The following RPS6KC1 variants were observed in gnomAD, a reference collection of about 807,000 sequenced individuals.
The protein encoded by RPS6KC1 is inactive ribosomal protein S6 kinase delta-1.
RPS6KC1 carries 54 observed loss-of-function variants against 103.8 expected under a neutral mutation model. That is an observed-to-expected ratio of 0.52 (90% CI 0.42 to 0.65). The LOEUF (loss-of-function observed/expected upper bound fraction) is 0.65. Among genes scored for constraint, RPS6KC1 ranks in the 30% least tolerant of loss-of-function variants. RPS6KC1 has a pLI of 0.00. For synonymous variants in RPS6KC1, 439 were observed against 438.7 expected (o/e 1.00, Z -0.01); for missense variants, 1,151 against 1,253.8 (o/e 0.92, Z 1.24).
intron 8 of RPS6KC1, among the ~76,000 whole-genome samples, chr1:213,203,157 C>G (rs2093227190): frequency 6.6e-6 from 1 of 152,114 alleles, no homozygotes; most frequent in African/African-American, 2.4e-5. Context: ...AGAGGTGTTT[C>G]AGATTTTGAA....
the RPS6KC1 span, among the ~76,000 whole-genome samples, chr1:213,830,701 C>G: frequency 4.0e-5 from 6 of 148,272 alleles, no homozygotes; most frequent in East Asian, 1.2e-3. Flanking sequence ...ACTCTCAAAA[C>G]GATATTGAAT....
At chr1:213,130,085 C>T (rs2085434369) in intron 6 of RPS6KC1, among the ~76,000 whole-genome samples, 196 bp downstream of exon 6, 1 of 151,902 alleles carries the variant, frequency 6.6e-6, no homozygotes, top group Non-Finnish European at 1.5e-5. Context: ...GGTACTTAAC[C>T]CTCTACTTTT....
chr1:213,607,177 C>T, the RPS6KC1 span, among the ~76,000 whole-genome samples: 11 of 152,222 alleles, frequency 7.2e-5, no homozygotes, highest in African/African-American at 2.4e-4. Flanking sequence ...AAAACTAACT[C>T]GGAAGAAACA....
chr1:213,065,575 G>A (rs1416874725), intron 1 of RPS6KC1, among the ~76,000 whole-genome samples: 1 of 152,170 alleles, frequency 6.6e-6, no homozygotes, highest in African/African-American at 2.4e-5. Flanking sequence ...TTTCCGTTTT[G>A]GGGGACACAT....
At chr1:213,319,908 G>T in the RPS6KC1 span, among the ~76,000 whole-genome samples, 1 of 152,138 alleles carries the variant, frequency 6.6e-6, no homozygotes, top group African/African-American at 2.4e-5. Context: ...GAATTAATTT[G>T]GGGGCAGTGT....
intron 8 of RPS6KC1, among the ~76,000 whole-genome samples, chr1:213,198,793 C>A (rs2093047156): frequency 6.6e-6 from 1 of 152,008 alleles, no homozygotes; most frequent in South Asian, 2.1e-4. Context: ...TATCTGCAAT[C>A]TCTTCTAGAA....
the RPS6KC1 span, among the ~76,000 whole-genome samples, chr1:213,296,973 C>G: frequency 6.6e-6 from 1 of 152,178 alleles, no homozygotes; most frequent in African/African-American, 2.4e-5. Flanking sequence ...AAGTTGTTTT[C>G]TTTACAAAAG....
the RPS6KC1 span, among the ~76,000 whole-genome samples, chr1:213,601,988 CTTTCTTTCTTTTCTTTTCTTTTCTTT>C: frequency 1.2e-4 from 2 of 16,256 alleles, no homozygotes; most frequent in African/African-American, 2.8e-4. Flanking sequence ...TCCTCTCTCT[CTTTCTTTCTTTTCTTTTCTTTTCTTT>C]TCTTTCTTTC....
At chr1:213,758,319 T>C in the RPS6KC1 span, among the ~76,000 whole-genome samples, 2 of 152,190 alleles carry the variant, frequency 1.3e-5, no homozygotes, top group Non-Finnish European at 2.9e-5. Context: ...GGCTCACACC[T>C]GTAATCCCAG....
At chr1:213,182,609 G>A (rs2092323270) in intron 8 of RPS6KC1, among the ~76,000 whole-genome samples, 2 of 151,618 alleles carry the variant, frequency 1.3e-5, no homozygotes, top group South Asian at 4.2e-4. Context: ...AATATAACAT[G>A]CAAACTTAAG....
chr1:213,370,454 A>T, the RPS6KC1 span, among the ~76,000 whole-genome samples: 2 of 152,050 alleles, frequency 1.3e-5, no homozygotes, highest in African/African-American at 2.4e-5. Context: ...AGGCTTGTGC[A>T]CTTCGGGATG....
chr1:213,366,817 A>G, the RPS6KC1 span, among the ~76,000 whole-genome samples: 49 of 152,286 alleles, frequency 3.2e-4, no homozygotes, highest in Middle Eastern at 3.4e-3. Flanking sequence ...ATCTATCTTC[A>G]TACGGTTTTG....
the RPS6KC1 span, among the ~76,000 whole-genome samples, chr1:213,421,132 C>G: frequency 6.6e-6 from 1 of 152,072 alleles, no homozygotes; most frequent in Non-Finnish European, 1.5e-5. Flanking sequence ...TTTGTTTGTT[C>G]ATTTTTTTGA....
At chr1:213,599,679 T>C in the RPS6KC1 span, among the ~76,000 whole-genome samples, 1 of 152,184 alleles carries the variant, frequency 6.6e-6, no homozygotes, top group African/African-American at 2.4e-5. Context: ...CATTATTACT[T>C]TTTTGCCCTC....
chr1:213,567,951 G>A, the RPS6KC1 span, among the ~76,000 whole-genome samples: 1 of 152,182 alleles, frequency 6.6e-6, no homozygotes, highest in Non-Finnish European at 1.5e-5. Context: ...TCTTTGAGGA[G>A]CCTTTTGGAT....
chr1:213,373,973 G>A, the RPS6KC1 span, among the ~76,000 whole-genome samples: 1 of 152,146 alleles, frequency 6.6e-6, no homozygotes, highest in African/African-American at 2.4e-5. Context: ...TTGTTTCATA[G>A]AGAGGTAATC....
chr1:213,809,799 A>G, the RPS6KC1 span, among the ~76,000 whole-genome samples: 1 of 152,248 alleles, frequency 6.6e-6, no homozygotes, highest in East Asian at 1.9e-4. Flanking sequence ...AATAGACAGC[A>G]TAAACAAGAT....
the RPS6KC1 span, among the ~76,000 whole-genome samples, chr1:213,382,995 C>T: frequency 6.6e-6 from 1 of 152,206 alleles, no homozygotes; most frequent in Non-Finnish European, 1.5e-5. Context: ...TTTTGTTTGT[C>T]TTCACGGGTT....
the RPS6KC1 span, among the ~76,000 whole-genome samples, chr1:213,565,715 A>T: frequency 1.3e-5 from 2 of 152,230 alleles, no homozygotes; most frequent in African/African-American, 2.4e-5. Context: ...TATTATTTGT[A>T]TATTTCATTG....
Sources: gnomAD v4.1 joint callset for allele counts (sites outside exome capture counted in the v4.1 genomes callset) on GRCh38, gnomAD v4.1.1 for gene constraint, MANE v1.5 for transcripts, NCBI Gene and HGNC (gene_info 2026-07-23, HGNC 2026-07-21) for gene names.